CTXND2: variants seen among roughly 807,000 people sequenced by gnomAD.
The protein encoded by CTXND2 is cortexin domain containing 2.
chr1:150,912,646 A>G, exon 2 of CTXND2: 1 of 395,168 alleles, frequency 2.5e-6, no homozygotes, highest in South Asian at 1.4e-4. Context: ...GGAAATGGCT[A>G]CTAAAGTGAG....
At chr1:150,898,033 C>A (rs1403315941) in intron 1 of CTXND2, among the ~76,000 whole-genome samples, 1 of 152,154 alleles carries the variant, frequency 6.6e-6, no homozygotes, top group Non-Finnish European at 1.5e-5. Context: ...AACCACTTTT[C>A]AAAACAAATC....
chr1:150,896,597 G>C (rs141051766), intron 1 of CTXND2, among the ~76,000 whole-genome samples: 198 of 152,162 alleles, frequency 1.3e-3, no homozygotes, highest in Non-Finnish European at 2.2e-3. Flanking sequence ...ACTAAAACCT[G>C]GATTCCTTCT....
intron 1 of CTXND2, among the ~76,000 whole-genome samples, chr1:150,896,159 G>A (rs999847226): frequency 5.3e-5 from 8 of 152,172 alleles, no homozygotes; most frequent in Non-Finnish European, 1.2e-4. Context: ...GGGAATATGT[G>A]AGGTTTGAAT....
intron 1 of CTXND2, among the ~76,000 whole-genome samples, chr1:150,888,289 A>G (rs1462741627): frequency 2.7e-5 from 4 of 150,450 alleles, no homozygotes; most frequent in African/African-American, 9.8e-5. Flanking sequence ...TCTTGGCTCA[A>G]TACAACCTCT....
chr1:150,901,963 T>A (rs1331029423), intron 1 of CTXND2, among the ~76,000 whole-genome samples: 1 of 150,950 alleles, frequency 6.6e-6, no homozygotes, highest in Non-Finnish European at 1.5e-5. Context: ...AATAATAGTC[T>A]TTTTAATAAA....
chr1:150,904,802 C>A (rs1460156424), intron 1 of CTXND2, among the ~76,000 whole-genome samples: 1 of 152,094 alleles, frequency 6.6e-6, no homozygotes, highest in Non-Finnish European at 1.5e-5. Context: ...TTTAGCATTT[C>A]TCACATTTTA....
chr1:150,903,442 T>C (rs1669077828), intron 1 of CTXND2, among the ~76,000 whole-genome samples: 2 of 152,040 alleles, frequency 1.3e-5, no homozygotes, highest in East Asian at 3.8e-4. Context: ...CTTTGATTTT[T>C]AACTTTTTTT....
intron 1 of CTXND2, among the ~76,000 whole-genome samples, chr1:150,899,097 CAAATAAAT>C (rs71090107): frequency 0.012 from 1,395 of 119,850 alleles, 11 homozygotes; most frequent in Middle Eastern, 0.021. Flanking sequence ...GACTCCGTCT[CAAATAAAT>C]AAATAAATAA....
chr1:150,911,267 C>T (rs970550252), intron 1 of CTXND2, among the ~76,000 whole-genome samples: 4 of 150,712 alleles, frequency 2.7e-5, no homozygotes, highest in African/African-American at 9.8e-5. Context: ...CAATTCTATT[C>T]CATTGATTTG....
At chr1:150,909,873 T>A (rs1446245569) in intron 1 of CTXND2, among the ~76,000 whole-genome samples, 1 of 151,906 alleles carries the variant, frequency 6.6e-6, no homozygotes, top group Non-Finnish European at 1.5e-5. Context: ...AAATTAGAGG[T>A]TTATATAGCA....
intron 1 of CTXND2, among the ~76,000 whole-genome samples, chr1:150,895,756 A>G (rs751451113): frequency 3.3e-5 from 5 of 152,236 alleles, no homozygotes; most frequent in Non-Finnish European, 7.3e-5. Flanking sequence ...GTGTTAGTGC[A>G]TGACTCAGCC....
At chr1:150,908,449 ATCCT>A (rs1669191277) in intron 1 of CTXND2, among the ~76,000 whole-genome samples, 1 of 152,172 alleles carries the variant, frequency 6.6e-6, no homozygotes, top group East Asian at 1.9e-4. Context: ...GATTCTAGTC[ATCCT>A]AGTGGGTGTG....
intron 1 of CTXND2, among the ~76,000 whole-genome samples, chr1:150,911,113 G>A (rs1669248869): frequency 7.1e-6 from 1 of 140,620 alleles, no homozygotes; most frequent in Non-Finnish European, 1.5e-5. Context: ...CATAATTTTT[G>A]TATTTTTTTT....
At chr1:150,897,557 A>T (rs1046910646) in intron 1 of CTXND2, among the ~76,000 whole-genome samples, 2 of 152,124 alleles carry the variant, frequency 1.3e-5, no homozygotes, top group African/African-American at 4.8e-5. Context: ...CTCCAAGCTC[A>T]AGCGATCCAC....
intron 1 of CTXND2, among the ~76,000 whole-genome samples, chr1:150,908,951 A>T (rs1165845315): frequency 6.6e-6 from 1 of 151,860 alleles, no homozygotes; most frequent in African/African-American, 2.4e-5. Context: ...CTTAAAGTAC[A>T]AAAGTTGGCT....
chr1:150,902,161 G>C (rs587630913), intron 1 of CTXND2, among the ~76,000 whole-genome samples: 91 of 152,096 alleles, frequency 6.0e-4, no homozygotes, highest in African/African-American at 2.1e-3. Context: ...CAGCACTTTG[G>C]GGGGCAGAGG....
chr1:150,905,088 ACAC>A (rs1470257182), intron 1 of CTXND2, among the ~76,000 whole-genome samples: 1 of 150,482 alleles, frequency 6.6e-6, no homozygotes, highest in Non-Finnish European at 1.5e-5. Context: ...ACACACACAC[ACAC>A]ACACACACAC....
intron 1 of CTXND2, chr1:150,904,288 C>T (rs1228637701): frequency 2.3e-6 from 1 of 433,708 alleles, no homozygotes; most frequent in African/African-American, 2.0e-5. Context: ...TTTAACAGAG[C>T]TTATACACCA....
intron 1 of CTXND2, among the ~76,000 whole-genome samples, chr1:150,910,942 C>A (rs1195371637): frequency 6.6e-6 from 1 of 152,000 alleles, no homozygotes; most frequent in Non-Finnish European, 1.5e-5. Flanking sequence ...GTAGCTGGTA[C>A]TACAGGTGCC....
Sources: gnomAD v4.1 joint callset for allele counts (sites outside exome capture counted in the v4.1 genomes callset) on GRCh38, gnomAD v4.1.1 for gene constraint, MANE v1.5 for transcripts, NCBI Gene and HGNC (gene_info 2026-07-23, HGNC 2026-07-21) for gene names.